GPHN: variants seen among roughly 807,000 people sequenced by gnomAD.
The protein encoded by GPHN is gephyrin.
In GPHN, 17 loss-of-function variants were observed where a neutral mutation model predicts 95.5. That is an observed-to-expected ratio of 0.18 (90% CI 0.12 to 0.27). The LOEUF (loss-of-function observed/expected upper bound fraction) is 0.27. Among genes scored for constraint, GPHN ranks in the 10% least tolerant of loss-of-function variants. The pLI, the probability that GPHN is intolerant of heterozygous loss-of-function variation, is 1.00. For synonymous variants in GPHN, 320 were observed against 322.5 expected (o/e 0.99, Z 0.08); for missense variants, 660 against 978.1 (o/e 0.67, Z 4.34).
At chr14:66,675,616 T>G (rs760032681) in intron 1 of GPHN, among the ~76,000 whole-genome samples, 1 of 152,188 alleles carries the variant, frequency 6.6e-6, no homozygotes, top group Admixed American at 6.5e-5. Flanking sequence ...CTTTTTAGTT[T>G]GGTATAGTTC....
chr14:67,626,687 T>C, the GPHN span, among the ~76,000 whole-genome samples: 1 of 152,198 alleles, frequency 6.6e-6, no homozygotes, highest in Admixed American at 6.5e-5. Context: ...CTCGAACTCC[T>C]AGCCTCAAGT....
chr14:67,282,515 A>G, the GPHN span, among the ~76,000 whole-genome samples: 2 of 152,144 alleles, frequency 1.3e-5, no homozygotes, highest in Non-Finnish European at 2.9e-5. Context: ...TTTAATGAAA[A>G]GCATTTGTAA....
chr14:66,901,639 C>T (rs991274692), intron 5 of GPHN, among the ~76,000 whole-genome samples: 1 of 151,882 alleles, frequency 6.6e-6, no homozygotes. Context: ...CAGGTCTTTC[C>T]CCATTGTTTG....
At chr14:67,267,045 T>G in the GPHN span, among the ~76,000 whole-genome samples, 1 of 151,686 alleles carries the variant, frequency 6.6e-6, no homozygotes, top group Non-Finnish European at 1.5e-5. Context: ...GAGGCAGAGG[T>G]TCCAGTGAGC....
the GPHN span, among the ~76,000 whole-genome samples, chr14:67,700,357 T>C: frequency 4.6e-5 from 7 of 152,176 alleles, no homozygotes; most frequent in African/African-American, 1.7e-4. Context: ...GGAAAATGGT[T>C]TTGTTCCAGA....
At chr14:66,682,164 G>A (rs1243445234) in intron 2 of GPHN, among the ~76,000 whole-genome samples, 1 of 152,154 alleles carries the variant, frequency 6.6e-6, no homozygotes, top group African/African-American at 2.4e-5. Flanking sequence ...GATGTCGTGA[G>A]TTCAGAATGC....
intron 8 of GPHN, among the ~76,000 whole-genome samples, chr14:66,948,493 C>T (rs187992364): frequency 2.4e-4 from 36 of 152,162 alleles, no homozygotes; most frequent in African/African-American, 8.4e-4. Flanking sequence ...TTGTTGGATT[C>T]AGCCCATCAG....
At chr14:67,108,749 GTGT>G (rs1362073913) in intron 13 of GPHN, among the ~76,000 whole-genome samples, 14 of 148,576 alleles carry the variant, frequency 9.4e-5, no homozygotes, top group African/African-American at 3.2e-4. Context: ...GTGTGTGTGT[GTGT>G]GGTTTATTTT....
intron 10 of GPHN, among the ~76,000 whole-genome samples, chr14:67,027,445 C>T (rs1440798838): frequency 6.6e-6 from 1 of 152,148 alleles, no homozygotes; most frequent in Non-Finnish European, 1.5e-5. Flanking sequence ...ATTCTCCTGC[C>T]TCAGCCTCCT....
At chr14:67,352,898 CTA>C in the GPHN span, 6 of 1,496,554 alleles carry the variant, frequency 4.0e-6, no homozygotes, top group Admixed American at 1.1e-4. Context: ...AAAATAAATA[CTA>C]TTCTAAGAAA....
chr14:66,959,884 C>T (rs184408050), intron 8 of GPHN, among the ~76,000 whole-genome samples: 8 of 152,056 alleles, frequency 5.3e-5, no homozygotes, highest in Admixed American at 2.0e-4. Flanking sequence ...TGATGGTATT[C>T]CACAGGTTGC....
chr14:67,665,148 C>T, the GPHN span, among the ~76,000 whole-genome samples: 3 of 152,136 alleles, frequency 2.0e-5, no homozygotes, highest in Non-Finnish European at 2.9e-5. Flanking sequence ...CTAGTGCACC[C>T]GGCCAAGCCC....
At chr14:67,022,562 TTTTTTG>T (rs1594844484) in intron 9 of GPHN, among the ~76,000 whole-genome samples, 1 of 114,322 alleles carries the variant, frequency 8.7e-6, no homozygotes, top group East Asian at 2.9e-4. Context: ...TTTTTTTTTT[TTTTTTG>T]GTGTGTGTGT....
At chr14:66,718,115 G>T (rs959026810) in intron 2 of GPHN, among the ~76,000 whole-genome samples, 2 of 152,182 alleles carry the variant, frequency 1.3e-5, no homozygotes, top group South Asian at 2.1e-4. Context: ...GTAGGGAAGT[G>T]TGTCCGGAAT....
intron 1 of GPHN, among the ~76,000 whole-genome samples, chr14:66,598,740 G>A (rs965983332): frequency 6.6e-6 from 1 of 151,898 alleles, no homozygotes; most frequent in Non-Finnish European, 1.5e-5. Context: ...AGCTACTCAG[G>A]TGGCTGAGGC....
At chr14:66,817,025 A>G (rs2060997331) in intron 3 of GPHN, among the ~76,000 whole-genome samples, 1 of 152,150 alleles carries the variant, frequency 6.6e-6, no homozygotes, top group Admixed American at 6.5e-5. Context: ...GTAAATGTAA[A>G]GAAAACATTA....
intron 4 of GPHN, among the ~76,000 whole-genome samples, chr14:66,827,090 C>A (rs1236067361): frequency 6.6e-6 from 1 of 152,030 alleles, no homozygotes; most frequent in Non-Finnish European, 1.5e-5. Context: ...TCAAGACAAG[C>A]CTGGCCAACA....
chr14:67,063,499 T>G (rs955558099), intron 11 of GPHN, among the ~76,000 whole-genome samples: 2 of 152,234 alleles, frequency 1.3e-5, no homozygotes, highest in Non-Finnish European at 1.5e-5. Flanking sequence ...GGGGTTGGCA[T>G]TGAATCTATA....
At chr14:67,592,410 C>A in the GPHN span, 1 of 504,098 alleles carries the variant, frequency 2.0e-6, no homozygotes, top group South Asian at 2.4e-5. Flanking sequence ...TGCACTCCAG[C>A]CTAGGTGACA....
Sources: gnomAD v4.1 joint callset for allele counts (sites outside exome capture counted in the v4.1 genomes callset) on GRCh38, gnomAD v4.1.1 for gene constraint, MANE v1.5 for transcripts, NCBI Gene and HGNC (gene_info 2026-07-23, HGNC 2026-07-21) for gene names.